Variants in PIK3R3 observed in about 807,000 individuals in gnomAD.
PIK3R3 encodes phosphatidylinositol 3-kinase regulatory subunit gamma.
PIK3R3 carries 64 observed loss-of-function variants against 62.9 expected under a neutral mutation model. The observed-to-expected ratio is 1.02, with a 90% confidence interval of 0.83 to 1.25. The LOEUF is 1.25. PIK3R3 is among the 50% of genes most tolerant of loss of function. The probability of loss-of-function intolerance (pLI) is 0.00; values close to 1 mark genes in which losing one functional copy is unlikely to be tolerated. For synonymous variants in PIK3R3, 165 were observed against 189.0 expected (o/e 0.87, Z 1.04); for missense variants, 614 against 561.6 (o/e 1.09, Z -0.94).
At chr1:46,142,312 A>G in the PIK3R3 span, among the ~76,000 whole-genome samples, 1 of 152,246 alleles carries the variant, frequency 6.6e-6, no homozygotes, top group Non-Finnish European at 1.5e-5. Flanking sequence ...TTTTCTAGTT[A>G]GGTGACAGGG....
At chr1:46,063,957 A>C (rs1648754623) in intron 5 of PIK3R3, among the ~76,000 whole-genome samples, 1 of 152,238 alleles carries the variant, frequency 6.6e-6, no homozygotes, top group Non-Finnish European at 1.5e-5. Flanking sequence ...TTACGCCTGT[A>C]ATCCCAACAC....
chr1:46,168,251 C>G, the PIK3R3 span, among the ~76,000 whole-genome samples: 740 of 152,286 alleles, frequency 4.9e-3, 15 homozygotes, highest in East Asian at 0.046. Context: ...TCTCTAAGCT[C>G]TTAGTATACT....
chr1:46,144,014 T>C, the PIK3R3 span, among the ~76,000 whole-genome samples: 1 of 152,204 alleles, frequency 6.6e-6, no homozygotes, highest in African/African-American at 2.4e-5. Flanking sequence ...CAGTTCACCA[T>C]GATGTCCCCC....
intron 1 of PIK3R3, among the ~76,000 whole-genome samples, chr1:46,092,274 T>TA (rs1353899670): frequency 6.6e-6 from 1 of 152,208 alleles, no homozygotes; most frequent in Non-Finnish European, 1.5e-5. Flanking sequence ...TATGTTTTTT[T>TA]AAAAAAGGCA....
intron 1 of PIK3R3, among the ~76,000 whole-genome samples, chr1:46,087,562 CTAGGGTTACCCAATGAAAA>C (rs1390745762): frequency 6.9e-6 from 1 of 145,448 alleles, no homozygotes; most frequent in Non-Finnish European, 1.5e-5. Context: ...TACAGATATT[CTAGGGTTACCCAATGAAAA>C]ACATATTCAT....
chr1:46,140,942 C>G, the PIK3R3 span, among the ~76,000 whole-genome samples: 2 of 152,014 alleles, frequency 1.3e-5, no homozygotes, highest in South Asian at 2.1e-4. Context: ...CTTACTGGAG[C>G]CTTGAACTCC....
intron 5 of PIK3R3, 145 bp from the exon 6 acceptor site, chr1:46,062,216 G>A (rs968134685): frequency 3.1e-6 from 2 of 652,616 alleles, no homozygotes; most frequent in African/African-American, 3.7e-5. Context: ...CCTTGTTTAG[G>A]AGGACTAAAA....
chr1:46,057,674 T>C (rs1489785435), intron 6 of PIK3R3, among the ~76,000 whole-genome samples: 1 of 152,160 alleles, frequency 6.6e-6, no homozygotes, highest in Admixed American at 6.6e-5. Context: ...GCCCCTGCCC[T>C]AGAGATTTGT....
At chr1:46,161,151 G>A in the PIK3R3 span, among the ~76,000 whole-genome samples, 1 of 151,934 alleles carries the variant, frequency 6.6e-6, no homozygotes, top group South Asian at 2.1e-4. Flanking sequence ...TCAGAGTACA[G>A]TGGCACAATC....
chr1:46,076,894 CTTTT>C (rs1650116556), intron 3 of PIK3R3, among the ~76,000 whole-genome samples: 1 of 152,032 alleles, frequency 6.6e-6, no homozygotes, highest in Non-Finnish European at 1.5e-5. Context: ...CTGTTATTTT[CTTTT>C]TGTTAAATAT....
intron 1 of PIK3R3, among the ~76,000 whole-genome samples, chr1:46,088,481 A>T (rs1651302140): frequency 6.6e-6 from 1 of 152,102 alleles, no homozygotes; most frequent in Non-Finnish European, 1.5e-5. Flanking sequence ...GACAAACAAG[A>T]TCTATATCAA....
intron 1 of PIK3R3, among the ~76,000 whole-genome samples, chr1:46,124,631 T>C (rs1654935400): frequency 6.6e-6 from 1 of 151,094 alleles, no homozygotes; most frequent in Non-Finnish European, 1.5e-5. Flanking sequence ...ACCCCATCTC[T>C]ACTAAAAATA....
intron 1 of PIK3R3, among the ~76,000 whole-genome samples, chr1:46,091,761 C>T (rs944479372): frequency 3.3e-5 from 5 of 152,212 alleles, no homozygotes; most frequent in African/African-American, 1.2e-4. Flanking sequence ...CCTGCAGATA[C>T]CAAAATCCAA....
At chr1:46,108,733 C>T (rs892044333) in intron 1 of PIK3R3, among the ~76,000 whole-genome samples, 2 of 152,194 alleles carry the variant, frequency 1.3e-5, no homozygotes, top group Non-Finnish European at 2.9e-5. Context: ...CCTGAGCTAG[C>T]ACAGTAATCC....
intron 1 of PIK3R3, among the ~76,000 whole-genome samples, chr1:46,120,823 T>C (rs1654614852): frequency 6.6e-6 from 1 of 152,150 alleles, no homozygotes; most frequent in Admixed American, 6.6e-5. Flanking sequence ...CTAAGGGTTA[T>C]TTACTGGTGA....
intron 1 of PIK3R3, among the ~76,000 whole-genome samples, chr1:46,090,104 T>G (rs958177686): frequency 6.6e-6 from 1 of 152,136 alleles, no homozygotes; most frequent in Non-Finnish European, 1.5e-5. Context: ...TTTTGACTTT[T>G]TAAACTATAA....
rs182791579 is a variant in PIK3R3 at position 46,041,705 on chromosome 1, T to G, written c.*1968A>C. Reference sequence around the variant, plus strand: ...AGCTTGGTATTATTCAGTAAAACTTTCAGTTAAGATTTCAATTGACAGTTT... The same window carrying G: ...AGCTTGGTATTATTCAGTAAAACTTGCAGTTAAGATTTCAATTGACAGTTT... On this transcript the variant is annotated 3_prime_UTR_variant, in exon 10 of 10. Coordinates refer to ENST00000262741, the MANE Select transcript of PIK3R3 (RefSeq NM_003629.4). 2.1e-3 allele frequency: 420 copies of G among 195,692 alleles called. No individual in the cohort carries two copies. Among genetic ancestry groups the G allele is most frequent in the African/African-American group, 8.9e-3 (385 of 43,306 alleles). The allele number at this position is 195,692 out of a possible 1,614,324, so 12.1% of individuals were successfully genotyped here.
chr1:46,167,534 G>A, the PIK3R3 span, among the ~76,000 whole-genome samples: 3 of 152,210 alleles, frequency 2.0e-5, no homozygotes, highest in African/African-American at 4.8e-5. Flanking sequence ...TTGGATTAAA[G>A]GAAACTGCCA....
chr1:46,130,846 C>T (rs1655518270), intron 1 of PIK3R3, among the ~76,000 whole-genome samples: 1 of 152,164 alleles, frequency 6.6e-6, no homozygotes. Context: ...AAAACACCAT[C>T]TGTAACTGCA....
Sources: allele counts gnomAD v4.1 joint callset (sites outside exome capture counted in the v4.1 genomes callset), GRCh38; gene constraint gnomAD v4.1.1; transcripts MANE v1.5; gene names NCBI Gene and HGNC (gene_info 2026-07-23, HGNC 2026-07-21).